The following MBNL1 variants were observed in gnomAD, a reference collection of about 807,000 sequenced individuals.
The protein encoded by MBNL1 is muscleblind-like protein 1.
Under a neutral mutation model 42.2 loss-of-function variants are expected in MBNL1, and 8 were observed. The ratio of observed to expected loss-of-function variants is 0.19; its 90% CI spans 0.11 to 0.34. The LOEUF is 0.34. MBNL1 is among the 10% of genes least tolerant of loss of function. MBNL1 has a pLI of 1.00. For missense variants in MBNL1, 309 were observed against 495.3 expected, an observed-to-expected ratio of 0.62 and a Z score of 3.57; for synonymous variants, 169 against 173.9, an observed-to-expected ratio of 0.97 and a Z score of 0.22.
intron 2 of MBNL1, among the ~76,000 whole-genome samples, chr3:152,378,149 C>A (rs1413833222): frequency 6.6e-6 from 1 of 151,978 alleles, no homozygotes; most frequent in African/African-American, 2.4e-5. Flanking sequence ...CCAGCCTGGG[C>A]AACATAGCAA....
intron 6 of MBNL1, among the ~76,000 whole-genome samples, chr3:152,454,440 T>G (rs1404966427): frequency 6.6e-6 from 1 of 152,170 alleles, no homozygotes; most frequent in Non-Finnish European, 1.5e-5. Flanking sequence ...AAGATTTAGA[T>G]AGAAATATAA....
intron 1 of MBNL1, among the ~76,000 whole-genome samples, chr3:152,294,486 G>T (rs542390362): frequency 6.6e-6 from 1 of 151,760 alleles, no homozygotes; most frequent in East Asian, 1.9e-4. Context: ...GGGTTTCACC[G>T]TGTTAGCCAG....
At chr3:152,388,993 A>G (rs2097560973) in intron 2 of MBNL1, among the ~76,000 whole-genome samples, 1 of 152,268 alleles carries the variant, frequency 6.6e-6, no homozygotes, top group Non-Finnish European at 1.5e-5. Context: ...TTTCTGGTTT[A>G]GAGCCTAATT....
chr3:152,335,911 A>G (rs904554466), intron 2 of MBNL1, among the ~76,000 whole-genome samples: 1 of 152,114 alleles, frequency 6.6e-6, no homozygotes, highest in African/African-American at 2.4e-5. Context: ...TCAACTTTTA[A>G]CAGATTCATT....
rs374845621 is a variant in MBNL1, at chr3:152,294,447, C to T, written c.-789-4958C>T. Reference sequence around the variant, plus strand: ...TACAGGTGCCCGCCACTATGCCCAGCTAATTTTTTGTATTTTTTAGTAGAG... The same window carrying T: ...TACAGGTGCCCGCCACTATGCCCAGTTAATTTTTTGTATTTTTTAGTAGAG... On this transcript the variant is annotated intron_variant, in intron 1 of 9. Transcript: ENST00000324210. 6.1e-4 allele frequency among the ~76,000 whole-genome samples: 92 copies of T among 151,930 alleles called. No homozygotes were observed. The South Asian group carries it at 0.019, about 31-fold the overall frequency.
intron 2 of MBNL1, among the ~76,000 whole-genome samples, chr3:152,366,646 G>A (rs950678554): frequency 1.5e-4 from 23 of 152,122 alleles, no homozygotes; most frequent in African/African-American, 3.9e-4. Context: ...ACTTTGGTAG[G>A]ATAAATTATA....
chr3:152,462,529 A>C lies in MBNL1; in HGVS notation c.*163A>C, dbSNP rs1482362935. The C allele has an allele frequency of 6.6e-6, 1 of 152,134 alleles. No homozygotes were observed. 9.4% of individuals were successfully genotyped at this position (152,134 alleles called of 1,614,324 possible). ...TATTGCATGTTAACCAGAAGAAAAGACAACATTTTCCGGAAATCCACTGCA... is the reference window on the plus strand; with the variant it reads ...TATTGCATGTTAACCAGAAGAAAAGCCAACATTTTCCGGAAATCCACTGCA... On this transcript the variant is annotated 3_prime_UTR_variant, in exon 10 of 10. Coordinates refer to ENST00000324210, the MANE Select transcript of MBNL1 (RefSeq NM_021038.5).
chr3:152,262,966 G>C (rs1410528758), intron 2 of MBNL1: 1 of 152,158 alleles, frequency 6.6e-6, no homozygotes, highest in Non-Finnish European at 1.5e-5. Context: ...TAGAAGGTAC[G>C]CATACATCCC....
chr3:152,341,138 ATTCT>A (rs1452954185), intron 2 of MBNL1: 2 of 447,316 alleles, frequency 4.5e-6, no homozygotes, highest in Non-Finnish European at 7.5e-6. Flanking sequence ...AAAATGGGTA[ATTCT>A]TTCATATATA....
intron 2 of MBNL1, among the ~76,000 whole-genome samples, chr3:152,399,201 G>T (rs1271752315): frequency 2.6e-5 from 4 of 152,112 alleles, no homozygotes; most frequent in East Asian, 3.9e-4. Context: ...ATATACAAAT[G>T]AGCTATTCTG....
chr3:152,383,115 A>G (rs2097255551), intron 2 of MBNL1, among the ~76,000 whole-genome samples: 1 of 152,066 alleles, frequency 6.6e-6, no homozygotes, highest in Non-Finnish European at 1.5e-5. Context: ...TCCTTTCATT[A>G]CCTACTAAAA....
intron 4 of MBNL1, among the ~76,000 whole-genome samples, chr3:152,439,209 TC>T (rs1229994261): frequency 2.0e-5 from 3 of 152,204 alleles, no homozygotes; most frequent in African/African-American, 7.2e-5. Context: ...CACAGAAGAA[TC>T]TAATAACCCT....
At chr3:152,307,084 C>G (rs745417559) in intron 2 of MBNL1, among the ~76,000 whole-genome samples, 1 of 151,998 alleles carries the variant, frequency 6.6e-6, no homozygotes, top group Non-Finnish European at 1.5e-5. Flanking sequence ...TCGCCTCCCA[C>G]GTTCAAGCAA....
At chr3:152,422,761 T>C (rs1485816327) in intron 3 of MBNL1, among the ~76,000 whole-genome samples, 1 of 152,188 alleles carries the variant, frequency 6.6e-6, no homozygotes, top group African/African-American at 2.4e-5. Flanking sequence ...CAGACCACAG[T>C]GCAATCAAGT....
intron 2 of MBNL1, among the ~76,000 whole-genome samples, chr3:152,305,184 G>A (rs898220223): frequency 3.9e-5 from 6 of 152,114 alleles, no homozygotes; most frequent in Non-Finnish European, 7.4e-5. Context: ...CATATATAAG[G>A]CTGTTTCTCA....
At position 152,416,088 on chromosome 3, in the gene MBNL1, A is replaced by G. The variant is rs556169701; in HGVS notation, c.345+977A>G. Among the ~76,000 whole-genome samples the G allele has an allele frequency of 1.1e-4, 17 of 152,168 alleles. 1 individual carries two copies. Among genetic ancestry groups the G allele is most frequent in the Non-Finnish European group, 2.1e-4 (14 of 68,024 alleles). ...AAGACCCATGTTTTTCTGCTATGCT[A>G]ACTGTAGCATGTGTGCTGTTTTTTT... On this transcript the variant is annotated intron_variant, in intron 3 of 9. Transcript: ENST00000324210.
At chr3:152,434,110 C>T (rs1159892151) in intron 4 of MBNL1, among the ~76,000 whole-genome samples, 1 of 152,156 alleles carries the variant, frequency 6.6e-6, no homozygotes, top group Non-Finnish European at 1.5e-5. Flanking sequence ...AGGTAAACTT[C>T]ATATCATGAG....
chr3:152,251,301 A>G lies in MBNL1; in HGVS notation n.333+6861A>G, dbSNP rs548735117. On this transcript the variant is annotated intron_variant and non_coding_transcript_variant, in intron 2 of 2. Coordinates refer to the MBNL1 transcript ENST00000477171. Reference sequence around the variant, plus strand: ...GTTAAGTGATAAGTAAAAATTGTTTATTTTTCTTGTGTAACGCATGTTTTA... The same window carrying G: ...GTTAAGTGATAAGTAAAAATTGTTTGTTTTTCTTGTGTAACGCATGTTTTA... Among the ~76,000 whole-genome samples, 15 of 152,082 alleles carry G rather than the reference A, an allele frequency of 9.9e-5. No individual in the cohort carries two copies. In the South Asian group the frequency reaches 3.1e-3, roughly 32 times the overall value.
At chr3:152,460,980 C>T (rs1357952508) in intron 9 of MBNL1, among the ~76,000 whole-genome samples, 2 of 151,984 alleles carry the variant, frequency 1.3e-5, no homozygotes, top group African/African-American at 2.4e-5. Flanking sequence ...TCTCTTAGAG[C>T]AAAGATGAAG....
Sources: allele counts gnomAD v4.1 joint callset (sites outside exome capture counted in the v4.1 genomes callset), GRCh38; gene constraint gnomAD v4.1.1; transcripts MANE v1.5; gene names NCBI Gene and HGNC (gene_info 2026-07-23, HGNC 2026-07-21).